Variants in IKZF3 observed in about 807,000 individuals in gnomAD.
IKZF3 encodes the protein IKAROS family zinc finger 3, also known as zinc finger protein Aiolos.
A neutral mutation model predicts 49.0 loss-of-function variants in IKZF3; 10 were observed. The observed-to-expected ratio is 0.20, with a 90% CI of 0.13 to 0.35. The LOEUF (loss-of-function observed/expected upper bound fraction) is 0.35. IKZF3 is among the 10% of genes least tolerant of loss of function. IKZF3 has a pLI of 1.00. For synonymous variants in IKZF3, 209 were observed against 228.2 expected, an observed-to-expected ratio of 0.92 and a Z score of 0.76; for missense variants, 498 against 664.8, an observed-to-expected ratio of 0.75 and a Z score of 2.76.
rs571082504 is a variant in IKZF3 at position 39,824,671 on chromosome 17, G to A, written c.163+4716C>T. On this transcript the variant is annotated intron_variant, in intron 3 of 7. Transcript: ENST00000346872. ...CCATGTTGGTCTTGTGATAGTGAGT[G>A]AGTTCTCATAAGATCTGATGGCTTT... 4.0e-5 allele frequency among the ~76,000 whole-genome samples: 6 copies of A among 151,704 alleles called. No homozygotes were observed. In the South Asian group the frequency reaches 1.3e-3, roughly 32 times the overall value.
At chr17:39,863,655 A>C (rs2063277680) in intron 1 of IKZF3, among the ~76,000 whole-genome samples, 1 of 152,222 alleles carries the variant, frequency 6.6e-6, no homozygotes, top group Non-Finnish European at 1.5e-5. Context: ...ATCGAGTTCC[A>C]AGGGAACTGC....
rs2063293043 is a variant in IKZF3 at position 39,863,996 on chromosome 17, T to A, written c.7+124A>T. On this transcript the variant is annotated intron_variant, in intron 1 of 7. Coordinates refer to ENST00000346872, the MANE Select transcript of IKZF3 (RefSeq NM_012481.5). ...GCGCTTTGTCCTCTGAAATACCTCATATTTACTTTTGACAAAAGAAGTAAA... is the reference window on the plus strand; with the variant it reads ...GCGCTTTGTCCTCTGAAATACCTCAAATTTACTTTTGACAAAAGAAGTAAA... 5 of 1,273,500 alleles carry A rather than the reference T, an allele frequency of 3.9e-6. No individual in the cohort carries two copies. In the African/African-American group the frequency reaches 4.5e-5, roughly 11 times the overall value. 78.9% of individuals were successfully genotyped at this position (1,273,500 alleles called of 1,614,324 possible).
rs1272632129 is a variant in IKZF3, at chr17:39,757,905, C to G, written c.*7885G>C. The G allele has an allele frequency of 2.0e-5, 3 of 152,204 alleles. No individual in the cohort carries two copies. The highest frequency in any genetic ancestry group is 4.8e-5 in the African/African-American group (2 of 41,440). 9.4% of individuals were successfully genotyped at this position (152,204 alleles called of 1,614,324 possible). On this transcript the variant is annotated 3_prime_UTR_variant, in exon 8 of 8. Transcript: ENST00000346872. ...CTTCACAGTTCCACACATGGCTGGGCTCCAGGTAGAACTCCATAGGAGTGA... is the reference window on the plus strand; with the variant it reads ...CTTCACAGTTCCACACATGGCTGGGGTCCAGGTAGAACTCCATAGGAGTGA...
intron 3 of IKZF3, among the ~76,000 whole-genome samples, chr17:39,826,720 A>T (rs1282131134): frequency 2.6e-5 from 4 of 152,220 alleles, no homozygotes; most frequent in Non-Finnish European, 2.9e-5. Context: ...TAGGTATCAC[A>T]GTGTGCGTGT....
At chr17:39,858,974 T>A (rs1159192737) in intron 1 of IKZF3, among the ~76,000 whole-genome samples, 1 of 151,850 alleles carries the variant, frequency 6.6e-6, no homozygotes, top group Non-Finnish European at 1.5e-5. Flanking sequence ...TTTACTTTTA[T>A]TTTATTATTA....
intron 3 of IKZF3, among the ~76,000 whole-genome samples, chr17:39,823,157 A>T (rs2061856249): frequency 1.3e-5 from 2 of 152,202 alleles, no homozygotes; most frequent in Non-Finnish European, 2.9e-5. Context: ...CAAAATGCTG[A>T]CAGTGATATG....
At chr17:39,842,370 A>G (rs1011778111) in intron 1 of IKZF3, among the ~76,000 whole-genome samples, 1 of 152,192 alleles carries the variant, frequency 6.6e-6, no homozygotes, top group Non-Finnish European at 1.5e-5. Flanking sequence ...CTCTACCAGA[A>G]ATACAAAAAT....
At chr17:39,848,103 G>A (rs2062686897) in intron 1 of IKZF3, among the ~76,000 whole-genome samples, 1 of 152,052 alleles carries the variant, frequency 6.6e-6, no homozygotes, top group South Asian at 2.1e-4. Flanking sequence ...ATTTCCTTGG[G>A]CTAAGGTAAA....
intron 3 of IKZF3, among the ~76,000 whole-genome samples, chr17:39,797,719 G>A (rs544922266): frequency 2.0e-5 from 3 of 151,950 alleles, no homozygotes; most frequent in Non-Finnish European, 2.9e-5. Context: ...CACCGTGCCC[G>A]GCCCCTGCAC....
intron 1 of IKZF3, among the ~76,000 whole-genome samples, chr17:39,850,968 C>T (rs556921035): frequency 1.0e-3 from 136 of 134,414 alleles, no homozygotes; most frequent in African/African-American, 3.4e-3. Flanking sequence ...ATATTATATA[C>T]GTGTATATAT....
chr17:39,777,302 T>C (rs1174393504), intron 7 of IKZF3, among the ~76,000 whole-genome samples: 2 of 152,194 alleles, frequency 1.3e-5, no homozygotes, highest in African/African-American at 2.4e-5. Context: ...TTACAAAAGA[T>C]TACAAAAATG....
rs1343052475 is a variant in IKZF3 at position 39,788,245 on chromosome 17, T to G, written c.709+13A>C. 1 of 1,532,862 alleles carries G rather than the reference T, an allele frequency of 6.5e-7. No homozygotes were observed. Among genetic ancestry groups the G allele is most frequent in the African/African-American group, 1.4e-5 (1 of 73,338 alleles). The allele number at this position is 1,532,862 out of a possible 1,614,324, so 95.0% of individuals were successfully genotyped here. Reference sequence around the variant, plus strand: ...CAGCAGATGCTCACTAAACGTGTGTTGCGTGAACTCACCAGTGTCCCCTGG... The same window carrying G: ...CAGCAGATGCTCACTAAACGTGTGTGGCGTGAACTCACCAGTGTCCCCTGG... On this transcript the variant is annotated intron_variant, in intron 6 of 7. Transcript: ENST00000346872.
chr17:39,779,397 G>T (rs543414027), intron 6 of IKZF3, among the ~76,000 whole-genome samples: 1 of 152,208 alleles, frequency 6.6e-6, no homozygotes, highest in African/African-American at 2.4e-5. Flanking sequence ...GGAGGCAGAG[G>T]TTGTGGTGAG....
chr17:39,792,773 G>A lies in IKZF3; in HGVS notation c.324C>T (p.Phe108=), dbSNP rs759388106. The part of the protein sequence containing the change: ...NIKLERHVVS[F]DSSRPTSGKM... ...TTCCACTGGTTGGCCTGCTACTATC[G>A]AATGAGACAACATGTCTCTCCAACT... is the stretch of plus-strand genomic sequence containing the variant. The change falls in exon 4 of 8, where the codon TTC becomes TTT. Residue 108 remains phenylalanine, a synonymous_variant. Coordinates refer to ENST00000346872, the MANE Select transcript of IKZF3 (RefSeq NM_012481.5). 8.7e-6 allele frequency: 14 copies of A among 1,613,988 alleles called. No homozygotes were observed. In the East Asian group the frequency reaches 2.5e-4, roughly 28 times the overall value.
intron 3 of IKZF3, among the ~76,000 whole-genome samples, chr17:39,803,094 A>T (rs888651652): frequency 1.1e-4 from 17 of 152,288 alleles, no homozygotes; most frequent in African/African-American, 4.1e-4. Flanking sequence ...TACACTATAC[A>T]TCAGCAGTAG....
At chr17:39,771,930 C>A (rs889687863) in intron 7 of IKZF3, among the ~76,000 whole-genome samples, 2 of 146,080 alleles carry the variant, frequency 1.4e-5, no homozygotes, top group African/African-American at 5.1e-5. Flanking sequence ...TTTTTTTTTT[C>A]AGAGACAGAG....
intron 1 of IKZF3, among the ~76,000 whole-genome samples, chr17:39,843,976 A>C (rs535350716): frequency 7.1e-4 from 108 of 152,324 alleles, no homozygotes; most frequent in Non-Finnish European, 1.5e-3. Context: ...ACAGGAGTGG[A>C]CAGATGGTGA....
chr17:39,793,353 T>G (rs942683689), intron 3 of IKZF3, among the ~76,000 whole-genome samples: 1 of 152,210 alleles, frequency 6.6e-6, no homozygotes, highest in Non-Finnish European at 1.5e-5. Context: ...GAGAAAATAT[T>G]GTTTGAATCC....
At chr17:39,779,665 T>TTTTTTTTTC (rs1555627941) in intron 6 of IKZF3, among the ~76,000 whole-genome samples, 1 of 150,758 alleles carries the variant, frequency 6.6e-6, no homozygotes, top group African/African-American at 2.4e-5. Context: ...TTTTTTTTTT[T>TTTTTTTTTC]CTGTTCCACG....
Sources: gnomAD v4.1 joint callset for allele counts (sites outside exome capture counted in the v4.1 genomes callset) on GRCh38, gnomAD v4.1.1 for gene constraint, MANE v1.5 for transcripts, NCBI Gene and HGNC (gene_info 2026-07-23, HGNC 2026-07-21) for gene names.